The following UGT1A7 variants were observed in gnomAD, a reference collection of about 807,000 sequenced individuals.
The protein encoded by UGT1A7 is UDP glucuronosyltransferase family 1 member A7.
Under a neutral mutation model 45.6 loss-of-function variants are expected in UGT1A7, and 33 were observed. The ratio of observed to expected loss-of-function variants is 0.72; its 90% CI spans 0.55 to 0.97. UGT1A7 has a LOEUF of 0.97. UGT1A7 is among the 50% of genes least tolerant of loss of function. UGT1A7 has a pLI of 0.00. For missense variants in UGT1A7, 684 were observed against 666.2 expected (o/e 1.03, Z -0.29); for synonymous variants, 274 against 250.6 (o/e 1.09, Z -0.88).
intron 1 of UGT1A7, among the ~76,000 whole-genome samples, chr2:233,744,310 G>A (rs1252338874): frequency 6.6e-6 from 1 of 151,840 alleles, no homozygotes; most frequent in Non-Finnish European, 1.5e-5. Context: ...CAGGAGGGAA[G>A]AGGGTGGTGG....
chr2:233,757,044 A>T (rs1411336170), intron 1 of UGT1A7, among the ~76,000 whole-genome samples: 1 of 151,696 alleles, frequency 6.6e-6, no homozygotes, highest in Non-Finnish European at 1.5e-5. Flanking sequence ...CATCAAAGGA[A>T]GTTTGGGGAA....
At chr2:233,771,306 T>TTTCCCTCTCCTC (rs2126060458) in intron 4 of UGT1A7, 1 of 152,368 alleles carries the variant, frequency 6.6e-6, no homozygotes, top group South Asian at 2.1e-4. Context: ...TCCTCCTCCT[T>TTTCCCTCTCCTC]TTCCCTCTCC....
chr2:233,690,596 A>C (rs1009187334), intron 1 of UGT1A7: 3 of 1,289,658 alleles, frequency 2.3e-6, no homozygotes, highest in Admixed American at 2.3e-5. Context: ...GAGAAAAAAA[A>C]AAAATCGGCC....
At chr2:233,703,807 CTCTG>C (rs34781889) in intron 1 of UGT1A7, among the ~76,000 whole-genome samples, 44,412 of 151,762 alleles carry the variant, frequency 0.29, 6,672 homozygotes, top group South Asian at 0.36. Flanking sequence ...GTCTGATAAT[CTCTG>C]TCTTTTAATT....
At chr2:233,699,090 T>A (rs2075483831) in intron 1 of UGT1A7, among the ~76,000 whole-genome samples, 1 of 152,200 alleles carries the variant, frequency 6.6e-6, no homozygotes, top group African/African-American at 2.4e-5. Context: ...TCTAGCCCTG[T>A]GCACCTCATC....
At position 233,768,257 on chromosome 2, in the gene UGT1A7, T is replaced by C. The variant is rs139698110; in HGVS notation, c.1113T>C (p.Gly371=). ...CCCGTGCCTTTATCACCCATGCTGG[T>C]TCCCATGGTGTTTATGAAAGCATAT... ...PMTRAFITHA[G]SHGVYESICN... is the part of the protein sequence containing the mutation. The change falls in exon 4 of 5, where the codon GGT becomes GGC. Residue 371 remains glycine, a synonymous_variant. Transcript: ENST00000373426. 1.8e-3 allele frequency: 2,975 copies of C among 1,614,198 alleles called. 7 individuals are homozygous for C. Among genetic ancestry groups the C allele is most frequent in the Non-Finnish European group, 2.4e-3 (2,868 of 1,180,032 alleles).
At chr2:233,690,823 C>T in intron 1 of UGT1A7, 1 of 1,066,136 alleles carries the variant, frequency 9.4e-7, no homozygotes, top group Non-Finnish European at 1.1e-6. Context: ...AGTCAAAGCT[C>T]ACAGGAGAAA....
chr2:233,711,904 C>T (rs2076203848), intron 1 of UGT1A7, among the ~76,000 whole-genome samples: 1 of 152,172 alleles, frequency 6.6e-6, no homozygotes, highest in African/African-American at 2.4e-5. Context: ...GGCGTGAGAC[C>T]ATTGTGAGTG....
Position 233,760,863 on chromosome 2 carries a change from C to T in UGT1A7, c.856-6171C>T, listed in dbSNP as rs764242339. On this transcript the variant is annotated intron_variant, in intron 1 of 4. Coordinates refer to ENST00000373426, the MANE Select transcript of UGT1A7 (RefSeq NM_019077.3). ...CCCAGTGCCCCAACCCATTCTCCTA[C>T]GTGCCCAGGCCTCTCTCCTCTCATT... The T allele has an allele frequency of 8.1e-6, 13 of 1,614,016 alleles. No homozygotes were observed. Among genetic ancestry groups the T allele is most frequent in the South Asian group, 4.4e-5 (4 of 91,088 alleles).
At chr2:233,771,815 C>T in intron 4 of UGT1A7, among the ~76,000 whole-genome samples, 1 of 135,588 alleles carries the variant, frequency 7.4e-6, no homozygotes, top group Admixed American at 7.6e-5. Flanking sequence ...TTCCTCCTTT[C>T]CTTGCTTCCT....
chr2:233,757,099 G>A (rs1433024919), intron 1 of UGT1A7, among the ~76,000 whole-genome samples: 3 of 151,280 alleles, frequency 2.0e-5, no homozygotes, highest in Non-Finnish European at 4.4e-5. Flanking sequence ...GCAGAGGGAG[G>A]GGGCAAGCAG....
At chr2:233,702,484 C>A (rs78147153) in intron 1 of UGT1A7, among the ~76,000 whole-genome samples, 2,743 of 152,176 alleles carry the variant, frequency 0.018, 79 homozygotes, top group African/African-American at 0.062. Context: ...CTGGCTTGAA[C>A]CTCTAGTACC....
intron 4 of UGT1A7, chr2:233,771,016 A>C (rs1281561140): frequency 2.0e-5 from 3 of 152,186 alleles, no homozygotes; most frequent in African/African-American, 7.2e-5. Flanking sequence ...AGCAGGAGCG[A>C]GAGAGAGTTG....
intron 1 of UGT1A7, among the ~76,000 whole-genome samples, chr2:233,726,981 T>C (rs2077575489): frequency 6.6e-6 from 1 of 152,240 alleles, no homozygotes; most frequent in African/African-American, 2.4e-5. Context: ...TAGATTTTGA[T>C]GAGGTTCTTT....
At chr2:233,742,793 T>C (rs1266813463) in intron 1 of UGT1A7, 1 of 152,996 alleles carries the variant, frequency 6.5e-6, no homozygotes, top group Non-Finnish European at 1.5e-5. Context: ...ATCATTAAAT[T>C]AAGCCAGAAG....
At chr2:233,720,720 T>C (rs79066052) in intron 1 of UGT1A7, among the ~76,000 whole-genome samples, 5 of 150,478 alleles carry the variant, frequency 3.3e-5, no homozygotes, top group Non-Finnish European at 7.4e-5. Flanking sequence ...TTTTTTTTTT[T>C]CTTGAGACTG....
chr2:233,717,852 T>A (rs1267229703), intron 1 of UGT1A7: 1 of 455,074 alleles, frequency 2.2e-6, no homozygotes, highest in Non-Finnish European at 4.4e-6. Flanking sequence ...TTATCAGAAC[T>A]TGGTGCTGGA....
In UGT1A7 at chr2:233,769,925, T is replaced by TG. The variant is rs2126049712; in HGVS notation, c.1295+1488dup. ...CATGTGCCCAGAGCGTTGGGTGGTG[T>TG]GGTCCCATTCCTTCCTTCCAGCGGC... On this transcript the variant is annotated intron_variant, in intron 4 of 4. Transcript: ENST00000373426. This position sits in a 1 kb window ranked among gnomAD's most constrained non-coding sequence, Gnocchi z 4.4. The TG allele has an allele frequency of 3.8e-6, 1 of 266,564 alleles. No individual in the cohort carries two copies. Among genetic ancestry groups the TG allele is most frequent in the Admixed American group, 5.1e-5 (1 of 19,790 alleles). 16.5% of individuals were successfully genotyped at this position (266,564 alleles called of 1,614,324 possible). A position where few individuals can be genotyped will look rare whatever the true frequency, so the allele number is the denominator to read the frequency against.
intron 1 of UGT1A7, among the ~76,000 whole-genome samples, chr2:233,704,262 T>A (rs1431021256): frequency 1.3e-5 from 2 of 151,410 alleles, no homozygotes; most frequent in African/African-American, 4.9e-5. Flanking sequence ...ATTGCTTTTT[T>A]TTTTTTTTTG....
Sources: allele counts gnomAD v4.1 joint callset (sites outside exome capture counted in the v4.1 genomes callset), GRCh38; gene constraint gnomAD v4.1.1; non-coding constraint Gnocchi (gnomAD v3.1); transcripts MANE v1.5; gene names NCBI Gene and HGNC (gene_info 2026-07-23, HGNC 2026-07-21).